Variants in PXDNL observed in about 807,000 individuals in gnomAD.
The protein encoded by PXDNL is probable oxidoreductase PXDNL.
PXDNL carries 145 observed loss-of-function variants against 150.8 expected under a neutral mutation model. The ratio of observed to expected loss-of-function variants is 0.96; its 90% CI spans 0.84 to 1.10. PXDNL has a LOEUF of 1.10. PXDNL is among the 50% of genes least tolerant of loss of function. The probability of loss-of-function intolerance (pLI) is 0.00; values close to 1 mark genes in which losing one functional copy is unlikely to be tolerated. For synonymous variants in PXDNL, 757 were observed against 725.7 expected (o/e 1.04, Z -0.69); for missense variants, 2,087 against 1,873.9 (o/e 1.11, Z -2.10).
intron 11 of PXDNL, among the ~76,000 whole-genome samples, chr8:51,448,383 T>A (rs572993865): frequency 6.6e-6 from 1 of 152,270 alleles, no homozygotes; most frequent in Admixed American, 6.5e-5. Flanking sequence ...AAGAAAATTA[T>A]CCCACTGAAA....
At chr8:51,751,503 C>T (rs1271039390) in intron 1 of PXDNL, among the ~76,000 whole-genome samples, 1 of 152,182 alleles carries the variant, frequency 6.6e-6, no homozygotes, top group Non-Finnish European at 1.5e-5. Context: ...CTCATGTTTT[C>T]TCTGATATTT....
At position 51,793,383 on chromosome 8, in the gene PXDNL, G is replaced by A. The variant is rs190019711; in HGVS notation, c.164+15798C>T. ...TAATATCACTCATGAAGATGAGAAA[G>A]AATCAACAAAAAAATGCTGGTAATT... On this transcript the variant is annotated intron_variant, in intron 1 of 22. Coordinates refer to ENST00000356297, the MANE Select transcript of PXDNL (RefSeq NM_144651.5). Among the ~76,000 whole-genome samples the A allele has an allele frequency of 2.9e-3, 439 of 152,264 alleles. 2 individuals are homozygous for A. The highest frequency in any genetic ancestry group is 5.1e-3 in the Non-Finnish European group (350 of 68,006).
At chr8:51,377,437 C>CCCG (rs1296738100) in intron 17 of PXDNL, among the ~76,000 whole-genome samples, 3 of 152,194 alleles carry the variant, frequency 2.0e-5, no homozygotes, top group African/African-American at 4.8e-5. Context: ...GGCCTTTCAG[C>CCCG]CCGCCGCCGC....
At chr8:51,599,466 G>T (rs1251065065) in intron 2 of PXDNL, among the ~76,000 whole-genome samples, 1 of 151,066 alleles carries the variant, frequency 6.6e-6, no homozygotes, top group Admixed American at 6.6e-5. Flanking sequence ...CTGATTCATT[G>T]TTTACCCAAA....
chr8:51,419,631 G>A (rs968366621), intron 14 of PXDNL, among the ~76,000 whole-genome samples: 16 of 152,136 alleles, frequency 1.1e-4, no homozygotes, highest in Admixed American at 6.6e-4. Context: ...CAGTCAAACC[G>A]AATCATTTTC....
At chr8:51,428,839 T>C (rs1175363023) in intron 12 of PXDNL, among the ~76,000 whole-genome samples, 1 of 152,166 alleles carries the variant, frequency 6.6e-6, no homozygotes, top group Non-Finnish European at 1.5e-5. Context: ...AAAAAAATGA[T>C]AATCAGGATT....
Position 51,756,321 on chromosome 8 carries a change from G to C in PXDNL, c.164+52860C>G, listed in dbSNP as rs1055478733. ...GTGGGAGAATGGCTTCAGCTCAGCAGGCAGAAGTTGCAGTGAGTCCAGATA... is the reference window on the plus strand; with the variant it reads ...GTGGGAGAATGGCTTCAGCTCAGCACGCAGAAGTTGCAGTGAGTCCAGATA... On this transcript the variant is annotated intron_variant, in intron 1 of 22. Coordinates refer to ENST00000356297, the MANE Select transcript of PXDNL (RefSeq NM_144651.5). 3.3e-5 allele frequency among the ~76,000 whole-genome samples: 5 copies of C among 151,670 alleles called. No individual in the cohort carries two copies. In the South Asian group the frequency reaches 1.0e-3, roughly 32 times the overall value.
chr8:51,588,047 A>G (rs1813365573), intron 3 of PXDNL, among the ~76,000 whole-genome samples: 1 of 152,218 alleles, frequency 6.6e-6, no homozygotes, highest in South Asian at 2.1e-4. Flanking sequence ...GGTTGGCTTA[A>G]GGTGATTGCT....
chr8:51,581,775 A>G (rs891198736), intron 3 of PXDNL, among the ~76,000 whole-genome samples: 10 of 152,140 alleles, frequency 6.6e-5, no homozygotes, highest in Admixed American at 6.6e-4. Flanking sequence ...ATCTTTCAAA[A>G]GATTTTGAGA....
intron 2 of PXDNL, among the ~76,000 whole-genome samples, chr8:51,620,418 G>A (rs1012818009): frequency 6.6e-6 from 1 of 152,138 alleles, no homozygotes; most frequent in Admixed American, 6.5e-5. Context: ...CTAACACATG[G>A]CCAACATTTT....
intron 2 of PXDNL, among the ~76,000 whole-genome samples, chr8:51,608,386 C>CA (rs760838357): frequency 0.021 from 1,581 of 75,198 alleles, 42 homozygotes; most frequent in Middle Eastern, 0.054. Context: ...GAGACTCCGT[C>CA]AAAAAAAAAA....
chr8:51,540,644 C>T (rs902216228), intron 4 of PXDNL, among the ~76,000 whole-genome samples: 30 of 152,128 alleles, frequency 2.0e-4, no homozygotes, highest in Admixed American at 1.6e-3. Flanking sequence ...TAATCTATCT[C>T]GGGGAATGAT....
rs1355288148 is a variant in PXDNL at position 51,457,743 on chromosome 8, G to A, written c.813-76C>T. On this transcript the variant is annotated intron_variant, in intron 8 of 22. Coordinates refer to ENST00000356297, the MANE Select transcript of PXDNL (RefSeq NM_144651.5). Reference sequence around the variant, plus strand: ...AACTCTTAACAAGACTGAGAATATAGTACTATATAGCTATGTTTCATGTCT... The same window carrying A: ...AACTCTTAACAAGACTGAGAATATAATACTATATAGCTATGTTTCATGTCT... The A allele has an allele frequency of 6.6e-6, 7 of 1,063,026 alleles. No homozygotes were observed. The East Asian group carries it at 1.8e-4, about 27-fold the overall frequency. The allele number at this position is 1,063,026 out of a possible 1,614,324, so 65.8% of individuals were successfully genotyped here. A position where few individuals can be genotyped will look rare whatever the true frequency, so the allele number is the denominator to read the frequency against.
chr8:51,497,764 T>C (rs1466459621), intron 5 of PXDNL, among the ~76,000 whole-genome samples: 1 of 152,130 alleles, frequency 6.6e-6, no homozygotes, highest in East Asian at 1.9e-4. Context: ...TGACGATCAT[T>C]AAAAAGTCAG....
chr8:51,592,179 G>T (rs559269464), intron 3 of PXDNL, among the ~76,000 whole-genome samples: 1 of 152,096 alleles, frequency 6.6e-6, no homozygotes, highest in African/African-American at 2.4e-5. Flanking sequence ...TCAGAAATTT[G>T]GTCCTTACCC....
In PXDNL at chr8:51,408,840, G is replaced by A; in HGVS notation, c.2784C>T (p.Pro928=). The change falls in exon 17 of 23, where the codon CCC becomes CCT. Residue 928 remains proline, a synonymous_variant. Transcript: ENST00000356297. ...AAAAGGGCAATAAGGGCTTTCCGGAGGGAGGCCAAGGAAAGCCTGTCTTCA... is the reference window on the plus strand; with the variant it reads ...AAAAGGGCAATAAGGGCTTTCCGGAAGGAGGCCAAGGAAAGCCTGTCTTCA... ...GLLKTGFPWP[P]SGKPLLPFST... The A allele has an allele frequency of 5.7e-6, 9 of 1,575,710 alleles. No individual in the cohort carries two copies. Among genetic ancestry groups the A allele is most frequent in the Non-Finnish European group, 7.7e-6 (9 of 1,161,824 alleles).
chr8:51,561,177 C>T (rs1812710701), intron 3 of PXDNL, among the ~76,000 whole-genome samples: 2 of 151,848 alleles, frequency 1.3e-5, no homozygotes, highest in African/African-American at 4.8e-5. Flanking sequence ...TTGGTACAGC[C>T]ACTATGAAAA....
intron 1 of PXDNL, among the ~76,000 whole-genome samples, chr8:51,659,857 GTATT>G (rs35068146): frequency 0.22 from 32,460 of 145,848 alleles, 4,299 homozygotes; most frequent in African/African-American, 0.37. Flanking sequence ...ACAAATTGCA[GTATT>G]TATTTATTTA....
chr8:51,515,148 T>C (rs1811507652), intron 4 of PXDNL, among the ~76,000 whole-genome samples: 1 of 152,102 alleles, frequency 6.6e-6, no homozygotes, highest in African/African-American at 2.4e-5. Flanking sequence ...GGATGCCTGC[T>C]GAGGAGGGAA....
Sources: gnomAD v4.1 joint callset for allele counts (sites outside exome capture counted in the v4.1 genomes callset) on GRCh38, gnomAD v4.1.1 for gene constraint, MANE v1.5 for transcripts, NCBI Gene and HGNC (gene_info 2026-07-23, HGNC 2026-07-21) for gene names.